KATNIP: variants seen among roughly 807,000 people sequenced by gnomAD.
KATNIP encodes katanin interacting protein, also known as katanin-interacting protein.
Under a neutral mutation model 174.0 loss-of-function variants are expected in KATNIP, and 126 were observed. The ratio of observed to expected loss-of-function variants is 0.72; its 90% CI spans 0.63 to 0.84. The LOEUF (loss-of-function observed/expected upper bound fraction) is 0.84, where lower values mean the gene tolerates loss of function less well. Among genes scored for constraint, KATNIP ranks in the 40% least tolerant of loss-of-function variants. KATNIP has a pLI of 0.00. For missense variants in KATNIP, 1,958 were observed against 2,109.7 expected, an observed-to-expected ratio of 0.93 and a Z score of 1.41; for synonymous variants, 810 against 835.7, an observed-to-expected ratio of 0.97 and a Z score of 0.53.
chr16:27,713,619 A>G (rs993065578), intron 13 of KATNIP, among the ~76,000 whole-genome samples: 8 of 85,174 alleles, frequency 9.4e-5, no homozygotes, highest in African/African-American at 3.5e-4. Context: ...GTGTGTATGT[A>G]TATTTATGTG....
intron 1 of KATNIP, among the ~76,000 whole-genome samples, chr16:27,570,122 G>A (rs974450821): frequency 3.3e-5 from 5 of 152,112 alleles, no homozygotes; most frequent in Admixed American, 6.5e-5. Flanking sequence ...CAGGTCTCAT[G>A]CTTGCTGCTT....
intron 3 of KATNIP, 47 bp from the exon 4 acceptor site, chr16:27,628,614 C>T (rs2076397778): frequency 6.3e-7 from 1 of 1,598,378 alleles, no homozygotes; most frequent in African/African-American, 1.3e-5. Flanking sequence ...TACAGCAGCC[C>T]AGACTCTCAA....
intron 2 of KATNIP, among the ~76,000 whole-genome samples, chr16:27,591,323 T>TA (rs1289561943): frequency 6.6e-6 from 1 of 152,110 alleles, no homozygotes; most frequent in Non-Finnish European, 1.5e-5. Flanking sequence ...TAGCTGGTAT[T>TA]ACAGGCACGC....
intron 6 of KATNIP, among the ~76,000 whole-genome samples, chr16:27,657,678 G>A (rs149662386): frequency 3.3e-5 from 5 of 152,148 alleles, no homozygotes; most frequent in South Asian, 2.1e-4. Context: ...TTGGGAGGCC[G>A]AGGTGGGTGG....
intron 2 of KATNIP, among the ~76,000 whole-genome samples, chr16:27,588,114 A>C (rs902457215): frequency 6.7e-6 from 1 of 148,806 alleles, no homozygotes; most frequent in Admixed American, 6.7e-5. Context: ...CTGGTCTTGA[A>C]CTCCTGAACT....
rs367675497 is a variant in KATNIP at position 27,575,672 on chromosome 16, A to T, written c.63+1716A>T. ...AGCTCTGAGGAGTAAGCTGGGGCTG[A>T]ACTGCACTCAGCGTCGTGTGAGTTA... is the stretch of plus-strand genomic sequence containing the variant. On this transcript the variant is annotated intron_variant, in intron 2 of 27. Transcript: ENST00000261588. Among the ~76,000 whole-genome samples, 30 of 152,310 alleles carry T rather than the reference A, an allele frequency of 2.0e-4. 1 individual carries two copies. Among genetic ancestry groups the T allele is most frequent in the Admixed American group, 6.5e-4 (10 of 15,300 alleles).
At chr16:27,585,450 T>G (rs1404000240) in intron 2 of KATNIP, among the ~76,000 whole-genome samples, 1 of 152,212 alleles carries the variant, frequency 6.6e-6, no homozygotes, top group Non-Finnish European at 1.5e-5. Flanking sequence ...GAAGTGGGTA[T>G]ATCGAAGGGA....
chr16:27,726,130 G>C (rs770539169), intron 14 of KATNIP, among the ~76,000 whole-genome samples: 1 of 152,162 alleles, frequency 6.6e-6, no homozygotes, highest in African/African-American at 2.4e-5. Context: ...ATTCTCATAG[G>C]CATGGGAACC....
rs746266116 is a variant in KATNIP at position 27,606,714 on chromosome 16, T to G, written c.64-11711T>G. On this transcript the variant is annotated intron_variant, in intron 2 of 27. Transcript: ENST00000261588. ...TGTCTCTATGTTTGTGTCATCAGTC[T>G]TGGACAGATTTTTCTAACTTTTTTT... 1.1e-4 allele frequency among the ~76,000 whole-genome samples: 17 copies of G among 151,990 alleles called. No individual in the cohort carries two copies. In the South Asian group the frequency reaches 1.2e-3, roughly 11 times the overall value.
intron 10 of KATNIP, among the ~76,000 whole-genome samples, chr16:27,701,258 A>C (rs1262196863): frequency 2.0e-5 from 3 of 152,064 alleles, no homozygotes. Flanking sequence ...CCTGGGCTCA[A>C]GTGATCCTCC....
chr16:27,750,282 A>T lies in KATNIP; in HGVS notation c.3322A>T (p.Lys1108Ter). 1 of 1,612,994 alleles carries T rather than the reference A, an allele frequency of 6.2e-7. No individual in the cohort carries two copies. Among genetic ancestry groups the T allele is most frequent in the Non-Finnish European group, 8.5e-7 (1 of 1,179,240 alleles). ...GTGCATCTTTGAAGGAGAAATCGCC[A>T]AGGCCTCTGGAACCCTGGCGGGAGG... The part of the protein sequence containing the change: ...TQCIFEGEIA[K>*]ASGTLAGAPE... Residue 1108 changes from lysine (K) to a stop codon, truncating the protein, a stop_gained, in exon 16 of 28, where the codon AAG (lysine) becomes TAG (stop). Transcript: ENST00000261588. LOFTEE classifies it high-confidence loss of function.
chr16:27,560,581 C>T (rs1431579624), intron 1 of KATNIP, among the ~76,000 whole-genome samples: 4 of 152,146 alleles, frequency 2.6e-5, no homozygotes, highest in Admixed American at 6.6e-5. Context: ...TGGAGTACAC[C>T]GTCTTCTTTC....
At chr16:27,570,327 G>A (rs1055770031) in intron 1 of KATNIP, among the ~76,000 whole-genome samples, 32 of 152,086 alleles carry the variant, frequency 2.1e-4, no homozygotes, top group Admixed American at 2.0e-3. Flanking sequence ...ACTTTGGGAG[G>A]CCTAGACAGG....
chr16:27,770,389 T>C (rs965083968), intron 21 of KATNIP, among the ~76,000 whole-genome samples: 11 of 152,176 alleles, frequency 7.2e-5, no homozygotes, highest in Non-Finnish European at 1.6e-4. Flanking sequence ...AGGAGAAAAA[T>C]AGAGCTTAAT....
At chr16:27,746,012 T>G (rs893081273) in intron 15 of KATNIP, among the ~76,000 whole-genome samples, 1 of 145,010 alleles carries the variant, frequency 6.9e-6, no homozygotes, top group Non-Finnish European at 1.5e-5. Flanking sequence ...TCACCCAGGC[T>G]GGAGTGCAGT....
intron 27 of KATNIP, 136 bp from the exon 28 acceptor site, chr16:27,778,438 G>A: frequency 1.2e-6 from 1 of 804,594 alleles, no homozygotes; most frequent in Non-Finnish European, 2.0e-6. Flanking sequence ...CAGCGTGCCA[G>A]GCGCCCCGAG....
At chr16:27,606,027 G>T (rs1161170073) in intron 2 of KATNIP, among the ~76,000 whole-genome samples, 4 of 152,198 alleles carry the variant, frequency 2.6e-5, no homozygotes, top group Non-Finnish European at 5.9e-5. Flanking sequence ...CTACTGGGGA[G>T]GCTGAGGCAG....
chr16:27,703,178 AAAG>A (rs2079163653), intron 11 of KATNIP, among the ~76,000 whole-genome samples: 1 of 152,078 alleles, frequency 6.6e-6, no homozygotes, highest in Admixed American at 6.5e-5. Flanking sequence ...AAAAAAAAAA[AAAG>A]AAAGAAAGAA....
intron 6 of KATNIP, among the ~76,000 whole-genome samples, chr16:27,655,421 T>G (rs1231757850): frequency 6.6e-6 from 1 of 150,570 alleles, no homozygotes; most frequent in Non-Finnish European, 1.5e-5. Flanking sequence ...ATTTATTTAT[T>G]TATTTATTTT....
Sources: gnomAD v4.1 joint callset for allele counts (sites outside exome capture counted in the v4.1 genomes callset) on GRCh38, gnomAD v4.1.1 for gene constraint, MANE v1.5 for transcripts, NCBI Gene and HGNC (gene_info 2026-07-23, HGNC 2026-07-21) for gene names.